BROX: variants seen among roughly 807,000 people sequenced by gnomAD.
BROX encodes BRO1 domain and CAAX motif containing, also known as BRO1 domain-containing protein BROX.
A neutral mutation model predicts 61.0 loss-of-function variants in BROX; 53 were observed. The ratio of observed to expected loss-of-function variants is 0.87; its 90% CI spans 0.70 to 1.09. BROX has a LOEUF of 1.09. BROX is among the 50% of genes least tolerant of loss of function. The pLI, the probability that BROX is intolerant of heterozygous loss-of-function variation, is 0.00. For missense variants in BROX, 489 were observed against 472.0 expected, an observed-to-expected ratio of 1.04 and a Z score of -0.33; for synonymous variants, 152 against 160.2, an observed-to-expected ratio of 0.95 and a Z score of 0.38.
At chr1:222,730,006 T>C in intron 10 of BROX, 21 bp from the exon 11 acceptor site, 1 of 1,585,486 alleles carries the variant, frequency 6.3e-7, no homozygotes, top group Non-Finnish European at 8.5e-7. Context: ...TCAAAAGACT[T>C]TAAATCTCTT....
rs145074924 is a variant in BROX, at chr1:222,713,102, A to G, written c.-17+160A>G. On this transcript the variant is annotated intron_variant, in intron 1 of 12. Coordinates refer to ENST00000340934, the MANE Select transcript of BROX (RefSeq NM_144695.4). Reference sequence around the variant, plus strand: ...TGCCTTGAAACAAACGACAGAAAGAAAATCCATATTGGTCACCACAAATCA... The same window carrying G: ...TGCCTTGAAACAAACGACAGAAAGAGAATCCATATTGGTCACCACAAATCA... 6.6e-4 allele frequency: 676 copies of G among 1,020,826 alleles called. 2 individuals are homozygous for G. In the African/African-American group the frequency reaches 0.011, roughly 17 times the overall value. The allele number at this position is 1,020,826 out of a possible 1,614,324, so 63.2% of individuals were successfully genotyped here. A position where few individuals can be genotyped will look rare whatever the true frequency, so the allele number is the denominator to read the frequency against.
At chr1:222,722,855 TG>T (rs1657198028) in intron 5 of BROX, among the ~76,000 whole-genome samples, 1 of 152,198 alleles carries the variant, frequency 6.6e-6, no homozygotes, top group Non-Finnish European at 1.5e-5. Context: ...ATAAATTGTT[TG>T]TTTTTATAAC....
Position 222,732,848 on chromosome 1 carries a change from T to A in BROX, c.*134T>A. On this transcript the variant is annotated 3_prime_UTR_variant, in exon 13 of 13. Coordinates refer to ENST00000340934, the MANE Select transcript of BROX (RefSeq NM_144695.4). ...ATTCAGAGGGTTATCTGCCTTCAGC[T>A]TACTTGTTCTTAATTTTTAATACAG... is the stretch of plus-strand genomic sequence containing the variant. 3.0e-6 allele frequency: 2 copies of A among 669,872 alleles called. No homozygotes were observed. 41.5% of individuals were successfully genotyped at this position (669,872 alleles called of 1,614,324 possible).
At position 222,719,349 on chromosome 1, in the gene BROX, C is replaced by G; in HGVS notation, c.295C>G (p.Gln99Glu). 1 of 1,606,092 alleles carries G rather than the reference C, an allele frequency of 6.2e-7. No homozygotes were observed. Among genetic ancestry groups the G allele is most frequent in the Admixed American group, 1.7e-5 (1 of 59,974 alleles). The stretch of plus-strand genomic sequence containing the variant: ...CAAGTGGACTGATACATTGCAAGGA[C>G]AGGTTCCAAGGTAAGCAACACTAAA... Reference protein sequence around the residue: ...NFKWTDTLQGQVPSAQQDAVF... With the variant: ...NFKWTDTLQGEVPSAQQDAVF... Residue 99 changes from glutamine to glutamate, a missense_variant, in exon 4 of 13, where the codon CAG (glutamine) becomes GAG (glutamate). Transcript: ENST00000340934.
At chr1:222,718,607 C>T (rs967297251) in intron 2 of BROX, among the ~76,000 whole-genome samples, 1 of 152,034 alleles carries the variant, frequency 6.6e-6, no homozygotes, top group Non-Finnish European at 1.5e-5. Flanking sequence ...TTAATTAAAA[C>T]TTGACATATA....
rs929877812 is a variant in BROX, at chr1:222,731,519, A to C, written c.1149+3A>C. ...CCAAAAGACCCAAGGATGACAGTGT[A>C]TGAGATTGTTTTTTTTTTTCCCTCT... On this transcript the variant is annotated splice_donor_region_variant and intron_variant, in intron 12 of 12. Transcript: ENST00000340934. The C allele has an allele frequency of 1.3e-5, 20 of 1,574,698 alleles. No individual in the cohort carries two copies. In the African/African-American group the frequency reaches 2.8e-4, roughly 22 times the overall value.
chr1:222,714,768 C>T (rs568069952), intron 1 of BROX, among the ~76,000 whole-genome samples: 342 of 151,612 alleles, frequency 2.3e-3, no homozygotes, highest in Non-Finnish European at 3.7e-3. Flanking sequence ...TTTGTAGAGA[C>T]CGGGTCTCAC....
chr1:222,723,459 T>C (rs1445571024), intron 5 of BROX, among the ~76,000 whole-genome samples: 1 of 152,126 alleles, frequency 6.6e-6, no homozygotes. Context: ...TACACCTAGT[T>C]AGGGTCTCTT....
chr1:222,724,374 AC>A (rs1370527295), intron 6 of BROX, among the ~76,000 whole-genome samples: 4 of 152,218 alleles, frequency 2.6e-5, no homozygotes, highest in African/African-American at 9.6e-5. Context: ...ATCACCAGTG[AC>A]TTTTACAATT....
intron 2 of BROX, among the ~76,000 whole-genome samples, chr1:222,717,539 CAA>C (rs914816230): frequency 1.3e-5 from 2 of 152,194 alleles, no homozygotes; most frequent in African/African-American, 4.8e-5. Flanking sequence ...TTTAAGGATT[CAA>C]ATTTCTGCCT....
Position 222,719,031 on chromosome 1 carries a change from G to A in BROX, c.208G>A (p.Gly70Ser), listed in dbSNP as rs1558228129. ...AGATTCATATTTCTCACTTTTACAA[G>A]GTTAGTTATTTATATGAACTTGAGG... ...AADSYFSLLQ[G>S]FINSLDESTQ... is the part of the protein sequence containing the mutation. Residue 70 changes from glycine to serine, a missense_variant and splice_region_variant, in exon 3 of 13, where the codon GGT (glycine) becomes AGT (serine). Gly to Ser is a moderately conservative substitution (Grantham distance 56). Transcript: ENST00000340934. 2 of 1,605,864 alleles carry A rather than the reference G, an allele frequency of 1.2e-6. No individual in the cohort carries two copies. The highest frequency in any genetic ancestry group is 2.2e-5 in the South Asian group (2 of 89,780).
intron 2 of BROX, 78 bp from the exon 3 acceptor site, chr1:222,718,847 A>G (rs1250836745): frequency 2.6e-6 from 3 of 1,159,786 alleles, no homozygotes; most frequent in African/African-American, 3.1e-5. Flanking sequence ...AAGCTTTTAC[A>G]TTGAAACCTG....
Position 222,724,173 on chromosome 1 carries a change from A to G in BROX, c.474+9A>G. On this transcript the variant is annotated intron_variant, in intron 6 of 12. Transcript: ENST00000340934. ...TTTTTAAACATTTAAAGGTAAAACA[A>G]ACAAACAAAAACCATTATTTGTTCT... is the stretch of plus-strand genomic sequence containing the variant. The G allele has an allele frequency of 6.3e-7, 1 of 1,590,020 alleles. No homozygotes were observed. The highest frequency in any genetic ancestry group is 8.6e-7 in the Non-Finnish European group (1 of 1,166,658).
In BROX at chr1:222,725,547, C is replaced by T; in HGVS notation, c.572C>T (p.Ala191Val). Residue 191 changes from alanine (A) to valine (V), a missense_variant, in exon 7 of 13, where the codon GCT (alanine) becomes GTT (valine). Ala to Val is a moderately conservative substitution (Grantham distance 64, BLOSUM62 0). Transcript: ENST00000340934. ...TACGTTATTCAATGTCAGGCTGAAG[C>T]TCAAGAAGGTATCCTAAATATTGTA... ...EAYVIQCQAE[A>V]QEVTIARAIE... The T allele has an allele frequency of 6.3e-7, 1 of 1,596,974 alleles. No homozygotes were observed. The highest frequency in any genetic ancestry group is 8.5e-7 in the Non-Finnish European group (1 of 1,170,426).
At chr1:222,719,660 T>TC (rs1656918676) in intron 4 of BROX, among the ~76,000 whole-genome samples, 1 of 152,194 alleles carries the variant, frequency 6.6e-6, no homozygotes, top group Non-Finnish European at 1.5e-5. Context: ...AAACTGACAT[T>TC]CCGTATGTGC....
chr1:222,726,919 G>A (rs964664961), intron 7 of BROX, among the ~76,000 whole-genome samples: 1 of 152,122 alleles, frequency 6.6e-6, no homozygotes. Flanking sequence ...ATGCTGTTTT[G>A]TAATAGTGAT....
chr1:222,732,848 T>C lies in BROX; in HGVS notation c.*134T>C. ...ATTCAGAGGGTTATCTGCCTTCAGC[T>C]TACTTGTTCTTAATTTTTAATACAG... On this transcript the variant is annotated 3_prime_UTR_variant, in exon 13 of 13. Transcript: ENST00000340934. 4.5e-6 allele frequency: 3 copies of C among 669,872 alleles called. No homozygotes were observed. Among genetic ancestry groups the C allele is most frequent in the Non-Finnish European group, 2.5e-6 (1 of 403,916 alleles). 41.5% of individuals were successfully genotyped at this position (669,872 alleles called of 1,614,324 possible).
intron 8 of BROX, among the ~76,000 whole-genome samples, chr1:222,728,255 G>A (rs2125035448): frequency 6.6e-6 from 1 of 152,272 alleles, no homozygotes; most frequent in South Asian, 2.1e-4. Context: ...GGCAAATACA[G>A]CAACGTAGCA....
In BROX at chr1:222,733,028, A is replaced by G. The variant is rs969061375; in HGVS notation, c.*314A>G. The G allele has an allele frequency of 5.1e-6, 1 of 196,212 alleles. No individual in the cohort carries two copies. Among genetic ancestry groups the G allele is most frequent in the Non-Finnish European group, 9.8e-6 (1 of 101,794 alleles). The allele number at this position is 196,212 out of a possible 1,614,324, so 12.2% of individuals were successfully genotyped here. A position where few individuals can be genotyped will look rare whatever the true frequency, so the allele number is the denominator to read the frequency against. On this transcript the variant is annotated 3_prime_UTR_variant, in exon 13 of 13. Coordinates refer to ENST00000340934, the MANE Select transcript of BROX (RefSeq NM_144695.4). ...TTTCAGGTCAGTATAGGCCCGAATC[A>G]TGTGGTTTCAGGTATGTTTTTCTTT...
Sources: gnomAD v4.1 joint callset for allele counts (sites outside exome capture counted in the v4.1 genomes callset) on GRCh38, gnomAD v4.1.1 for gene constraint, MANE v1.5 for transcripts, NCBI Gene and HGNC (gene_info 2026-07-23, HGNC 2026-07-21) for gene names.